The following TJP3 variants were observed in gnomAD, a reference collection of about 807,000 sequenced individuals.
TJP3 encodes the protein tight junction protein 3.
In TJP3, 85 loss-of-function variants were observed where a neutral mutation model predicts 104.2. The ratio of observed to expected loss-of-function variants is 0.82; its 90% confidence interval spans 0.68 to 0.98. The LOEUF (loss-of-function observed/expected upper bound fraction) is 0.98. TJP3 is among the 50% of genes least tolerant of loss of function. The pLI is 0.00. For synonymous variants in TJP3, 550 were observed against 550.6 expected (o/e 1.00, Z 0.02); for missense variants, 1,367 against 1,322.8 (o/e 1.03, Z -0.52).
rs1232272346 is a variant in TJP3 at position 3,734,387 on chromosome 19, C to G, written c.938C>G (p.Pro313Arg). 6.2e-7 allele frequency: 1 copy of G among 1,613,238 alleles called. No individual in the cohort carries two copies. The highest frequency in any genetic ancestry group is 8.5e-7 in the Non-Finnish European group (1 of 1,179,964). ...CCACCATCCCACATCCCACCACCAC[C>G]CCGGCATGCTCAGCGGAGCCCCGAG... ...QAPPSHIPPP[P>R]RHAQRSPEAS... The change falls in exon 8 of 21, where the codon CCC becomes CGC. Residue 313 changes from proline (P) to arginine (R), a missense_variant. By Grantham distance (103) the Pro-to-Arg change is moderately radical. Transcript: ENST00000541714.
In TJP3 at chr19:3,708,505, G is replaced by A. The variant is rs2036405615; in HGVS notation, c.-66G>A. Reference sequence around the variant, plus strand: ...CCCTCCCCACCACCCGTGCCAGGCAGGCACCCGGGCCCTGGCACCTGCTGC... The same window carrying A: ...CCCTCCCCACCACCCGTGCCAGGCAAGCACCCGGGCCCTGGCACCTGCTGC... On this transcript the variant is annotated 5_prime_UTR_variant, in exon 1 of 21. Coordinates refer to ENST00000541714, the MANE Select transcript of TJP3 (RefSeq NM_001267560.2). 1 of 152,178 alleles carries A rather than the reference G, an allele frequency of 6.6e-6. No homozygotes were observed. The highest frequency in any genetic ancestry group is 1.5e-5 in the Non-Finnish European group (1 of 68,072). The allele number at this position is 152,178 out of a possible 1,614,324, so 9.4% of individuals were successfully genotyped here. A position where few individuals can be genotyped will look rare whatever the true frequency, so the allele number is the denominator to read the frequency against.
intron 1 of TJP3, among the ~76,000 whole-genome samples, chr19:3,720,896 C>CTTT (rs775773348): frequency 3.4e-5 from 4 of 118,374 alleles, no homozygotes; most frequent in Non-Finnish European, 3.5e-5. Flanking sequence ...TCCTTCCTTC[C>CTTT]TTTTCTTTTT....
intron 1 of TJP3, among the ~76,000 whole-genome samples, chr19:3,717,818 T>A (rs28827869): frequency 0.54 from 81,718 of 150,972 alleles, 22,408 homozygotes; most frequent in East Asian, 0.8. Context: ...GGTGTGACCA[T>A]GACTTACTGC....
rs749830496 is a variant in TJP3 at position 3,735,617 on chromosome 19, G to A, written c.1038G>A (p.Ser346=). The change falls in exon 9 of 21, where the codon TCG becomes TCA. Residue 346 remains serine (S), a synonymous_variant. Transcript: ENST00000541714. The stretch of plus-strand genomic sequence containing the variant: ...GTTCAGTAGATTCCAGAACCATCTC[G>A]GAACCAGATGAGCAACGGTCAGGTG... ...RESSVDSRTI[S]EPDEQRSELP... The A allele has an allele frequency of 5.0e-5, 80 of 1,614,154 alleles. No homozygotes were observed. The highest frequency in any genetic ancestry group is 6.4e-5 in the Non-Finnish European group (76 of 1,180,038).
intron 18 of TJP3, among the ~76,000 whole-genome samples, chr19:3,747,153 C>G (rs1191280041): frequency 6.6e-6 from 1 of 151,970 alleles, no homozygotes; most frequent in Non-Finnish European, 1.5e-5. Flanking sequence ...CTCCGCCTCC[C>G]GGGTTCAAGT....
Position 3,735,967 on chromosome 19 carries a change from A to G in TJP3, c.1127+32A>G, listed in dbSNP as rs2036733766. 6.2e-6 allele frequency: 10 copies of G among 1,613,294 alleles called. No homozygotes were observed. In the South Asian group the frequency reaches 6.6e-5, roughly 11 times the overall value. ...ACCCCAGAAGAAAGCAAACCCGCTC[A>G]AAACTCCTACATCCCAGGCTGCCTC... On this transcript the variant is annotated intron_variant, in intron 10 of 20. Transcript: ENST00000541714.
In TJP3 at chr19:3,740,532, C is replaced by T. The variant is rs1023959729; in HGVS notation, c.1632-20C>T. 9.8e-6 allele frequency: 14 copies of T among 1,427,938 alleles called. No homozygotes were observed. Among genetic ancestry groups the T allele is most frequent in the Admixed American group, 5.9e-5 (2 of 33,860 alleles). 88.5% of individuals were successfully genotyped at this position (1,427,938 alleles called of 1,614,324 possible). On this transcript the variant is annotated intron_variant, in intron 13 of 20. Transcript: ENST00000541714. ...ATGCTGCTGACCCCAGTGCTCAGTA[C>T]TGTCCCCTCTTCTCCCCAGGGCGGA...
intron 2 of TJP3, 49 bp downstream of exon 2, chr19:3,728,529 G>A (rs767754859): frequency 8.1e-6 from 13 of 1,599,224 alleles, no homozygotes; most frequent in Middle Eastern, 1.6e-4. Context: ...TGGCGGCTTA[G>A]GCCCAGCTCA....
chr19:3,724,194 G>A (rs1404236753), intron 1 of TJP3, among the ~76,000 whole-genome samples: 1 of 151,860 alleles, frequency 6.6e-6, no homozygotes, highest in Admixed American at 6.6e-5. Flanking sequence ...GTTCCCTGGG[G>A]CTGTCTCTTT....
Position 3,735,595 on chromosome 19 carries a change from C to T in TJP3, c.1016C>T (p.Ser339Leu), listed in dbSNP as rs940529542. ...AGTCCCCGGCTTCGGCGGGAAAGTT[C>T]AGTAGATTCCAGAACCATCTCGGAA... is the stretch of plus-strand genomic sequence containing the variant. ...VESPRLRRESSVDSRTISEPD... is the reference protein window; with the variant it reads ...VESPRLRRESLVDSRTISEPD... Residue 339 changes from serine (S) to leucine (L), a missense_variant, in exon 9 of 21, where the codon TCA (serine) becomes TTA (leucine). Transcript: ENST00000541714. 1.2e-6 allele frequency: 2 copies of T among 1,614,080 alleles called. No individual in the cohort carries two copies. The highest frequency in any genetic ancestry group is 1.6e-4 in the Middle Eastern group (1 of 6,084).
rs1172529699 is a variant in TJP3 at position 3,728,479 on chromosome 19, A to C, written c.47A>C (p.Lys16Thr). 22 of 1,609,014 alleles carry C rather than the reference A, an allele frequency of 1.4e-5. No individual in the cohort carries two copies. Among genetic ancestry groups the C allele is most frequent in the Non-Finnish European group, 1.9e-5 (22 of 1,177,992 alleles). The change falls in exon 2 of 21, where the codon AAG becomes ACG. Residue 16 changes from lysine (K) to threonine (T), a missense_variant and splice_region_variant. Coordinates refer to ENST00000541714, the MANE Select transcript of TJP3 (RefSeq NM_001267560.2). ...GAACAGCACACGGCCACACTGTCCAAGGTGAGGCCTCCCTCTCCCTGTCTG... is the reference window on the plus strand; with the variant it reads ...GAACAGCACACGGCCACACTGTCCACGGTGAGGCCTCCCTCTCCCTGTCTG... ...IWEQHTATLS[K>T]DPRRGFGIAI...
At chr19:3,723,817 A>AT (rs2036568847) in intron 1 of TJP3, among the ~76,000 whole-genome samples, 1 of 146,470 alleles carries the variant, frequency 6.8e-6, no homozygotes, top group Non-Finnish European at 1.5e-5. Flanking sequence ...AAATATATAT[A>AT]TATATATATA....
chr19:3,715,239 G>A (rs1159958753), intron 1 of TJP3, among the ~76,000 whole-genome samples: 2 of 151,678 alleles, frequency 1.3e-5, no homozygotes, highest in Non-Finnish European at 2.9e-5. Flanking sequence ...ACAGGCGCCC[G>A]CCACCACACC....
At chr19:3,728,350 T>C in intron 1 of TJP3, 74 bp from the exon 2 acceptor site, 1 of 1,611,644 alleles carries the variant, frequency 6.2e-7, no homozygotes, top group Non-Finnish European at 8.5e-7. Flanking sequence ...CTCCCCACCC[T>C]GAGCTGGGGA....
intron 1 of TJP3, among the ~76,000 whole-genome samples, chr19:3,718,516 T>C (rs2036512849): frequency 1.3e-5 from 2 of 151,336 alleles, no homozygotes; most frequent in South Asian, 2.1e-4. Context: ...TGGCCCAGGC[T>C]GGAGTGCAGT....
chr19:3,739,246 C>T (rs546016634), intron 13 of TJP3, 112 bp downstream of exon 13: 2 of 970,876 alleles, frequency 2.1e-6, no homozygotes, highest in African/African-American at 1.6e-5. Context: ...AATCCTGGCA[C>T]TTTGGGAGGC....
intron 14 of TJP3, 112 bp from the exon 15 acceptor site, chr19:3,743,827 C>A: frequency 2.1e-6 from 2 of 970,114 alleles, no homozygotes; most frequent in Non-Finnish European, 3.2e-6. Flanking sequence ...TAGCTATGGT[C>A]CTGGTTAAAT....
chr19:3,721,206 T>C (rs1307070607), intron 1 of TJP3, among the ~76,000 whole-genome samples: 1 of 152,064 alleles, frequency 6.6e-6, no homozygotes, highest in Non-Finnish European at 1.5e-5. Flanking sequence ...GGCCCTGCCC[T>C]GCCCCCTTTC....
chr19:3,721,289 G>C (rs2036539914), intron 1 of TJP3, among the ~76,000 whole-genome samples: 1 of 152,152 alleles, frequency 6.6e-6, no homozygotes, highest in African/African-American at 2.4e-5. Context: ...AGCCGCTGTT[G>C]TATCTTCAGA....
Sources: allele counts gnomAD v4.1 joint callset (sites outside exome capture counted in the v4.1 genomes callset), GRCh38; gene constraint gnomAD v4.1.1; transcripts MANE v1.5; gene names NCBI Gene and HGNC (gene_info 2026-07-23, HGNC 2026-07-21).